The following SEMA6C variants were observed in gnomAD, a reference collection of about 807,000 sequenced individuals.
SEMA6C encodes the protein semaphorin-6C.
Under a neutral mutation model 72.9 loss-of-function variants are expected in SEMA6C, and 37 were observed. The ratio of observed to expected loss-of-function variants is 0.51; its 90% CI spans 0.39 to 0.67. The LOEUF (loss-of-function observed/expected upper bound fraction) is 0.67. Ranked by LOEUF, SEMA6C falls within the 30% of genes least tolerant of loss-of-function variation. The pLI, the probability that SEMA6C is intolerant of heterozygous loss-of-function variation, is 0.00. For missense variants in SEMA6C, 1,189 were observed against 1,263.6 expected (o/e 0.94, Z 0.89); for synonymous variants, 578 against 554.1 (o/e 1.04, Z -0.61).
In SEMA6C at chr1:151,146,451, G is replaced by C. The variant is rs920099822; in HGVS notation, c.-123C>G. On this transcript the variant is annotated 5_prime_UTR_variant, in exon 1 of 19. Transcript: ENST00000368914. This position sits in a 1 kb window ranked among gnomAD's most constrained non-coding sequence, Gnocchi z 4.6. ...TACTTGCTCCAGGATTCGGGTCAGC[G>C]GGATCGAGATCGCCGCGGGCGGCCA... The C allele has an allele frequency of 3.3e-5, 5 of 152,236 alleles. No individual in the cohort carries two copies. The highest frequency in any genetic ancestry group is 7.2e-5 in the African/African-American group (3 of 41,502). 9.4% of individuals were successfully genotyped at this position (152,236 alleles called of 1,614,324 possible). A position where few individuals can be genotyped will look rare whatever the true frequency, so the allele number is the denominator to read the frequency against.
chr1:151,144,153 CG>C (rs1465672201), intron 2 of SEMA6C, among the ~76,000 whole-genome samples: 1 of 152,154 alleles, frequency 6.6e-6, no homozygotes, highest in African/African-American at 2.4e-5. Flanking sequence ...GACATGTTTC[CG>C]GATACTGTTG....
At chr1:151,134,057 T>C in intron 18 of SEMA6C, 1 of 1,508,910 alleles carries the variant, frequency 6.6e-7, no homozygotes, top group Non-Finnish European at 8.9e-7. Context: ...CCGGAAGCAC[T>C]GGTGGCAGAG....
intron 14 of SEMA6C, 47 bp downstream of exon 14, chr1:151,135,544 C>A: frequency 1.3e-6 from 2 of 1,574,278 alleles, no homozygotes; most frequent in South Asian, 1.2e-5. Context: ...CTGCTACCTC[C>A]CATCCCCTCC....
rs189067842 is a variant in SEMA6C, at chr1:151,146,039, C to A, written c.-105+394G>T. On this transcript the variant is annotated intron_variant, in intron 1 of 18. Coordinates refer to ENST00000368914, the MANE Select transcript of SEMA6C (RefSeq NM_030913.6). The surrounding 1 kb of genome is among the most constrained non-coding windows in gnomAD (Gnocchi z 4.6). ...GAACGATGCGTCCCTCTTCCCATCC[C>A]TTCAGGGGCGTCAGGAGGGTCTAGT... The A allele has an allele frequency of 2.3e-4, 35 of 152,316 alleles. No individual in the cohort carries two copies. Among genetic ancestry groups the A allele is most frequent in the Admixed American group, 2.2e-3 (34 of 15,302 alleles). The allele number at this position is 152,316 out of a possible 1,614,324, so 9.4% of individuals were successfully genotyped here. A position where few individuals can be genotyped will look rare whatever the true frequency, so the allele number is the denominator to read the frequency against.
At chr1:151,139,292 C>G in intron 6 of SEMA6C, 133 bp downstream of exon 6, 1 of 782,328 alleles carries the variant, frequency 1.3e-6, no homozygotes, top group Non-Finnish European at 2.2e-6. Flanking sequence ...AATTCTCTTT[C>G]CTTCTCATTT....
rs771475269 is a variant in SEMA6C, at chr1:151,139,494, G to A, written c.298-13C>T. On this transcript the variant is annotated splice_polypyrimidine_tract_variant and intron_variant, in intron 5 of 18. Transcript: ENST00000368914. ...TCCATGTTAGATACTGAAGGGATAA[G>A]TTGAAGAGGGAAAATCATGGGCAAC... The A allele has an allele frequency of 3.1e-6, 5 of 1,613,448 alleles. No homozygotes were observed.
intron 3 of SEMA6C, 78 bp from the exon 4 acceptor site, chr1:151,140,168 C>T (rs1263593286): frequency 6.4e-6 from 7 of 1,086,172 alleles, no homozygotes; most frequent in Non-Finnish European, 9.7e-6. Flanking sequence ...TGAAACCCAG[C>T]AGTGGACACA....
rs1682348961 is a variant in SEMA6C at position 151,139,493 on chromosome 1, A to C, written c.298-12T>G. On this transcript the variant is annotated splice_polypyrimidine_tract_variant and intron_variant, in intron 5 of 18. Coordinates refer to ENST00000368914, the MANE Select transcript of SEMA6C (RefSeq NM_030913.6). Reference sequence around the variant, plus strand: ...CTCCATGTTAGATACTGAAGGGATAAGTTGAAGAGGGAAAATCATGGGCAA... The same window carrying C: ...CTCCATGTTAGATACTGAAGGGATACGTTGAAGAGGGAAAATCATGGGCAA... The C allele has an allele frequency of 1.9e-6, 3 of 1,613,744 alleles. No individual in the cohort carries two copies. Among genetic ancestry groups the C allele is most frequent in the African/African-American group, 1.3e-5 (1 of 75,036 alleles).
rs1681853481 is a variant in SEMA6C at position 151,134,548 on chromosome 1, C to A, written c.1714+72G>T. ...AGGAGAGAAGGACAAAAGGCCAAGC[C>A]TGGGATGGTGTCTGTGGCCATCATG... On this transcript the variant is annotated intron_variant, in intron 17 of 18. Coordinates refer to ENST00000368914, the MANE Select transcript of SEMA6C (RefSeq NM_030913.6). 3 of 1,606,928 alleles carry A rather than the reference C, an allele frequency of 1.9e-6. No individual in the cohort carries two copies. In the Admixed American group the frequency reaches 5.0e-5, roughly 27 times the overall value.
chr1:151,135,947 G>A, intron 13 of SEMA6C, 64 bp downstream of exon 13: 1 of 1,605,034 alleles, frequency 6.2e-7, no homozygotes, highest in Non-Finnish European at 8.5e-7. Flanking sequence ...ACCTTGTTGG[G>A]TCAAAGAAAG....
rs1478501954 is a variant in SEMA6C, at chr1:151,136,543, A to T, written c.1011T>A (p.Asp337Glu). 1 of 1,607,086 alleles carries T rather than the reference A, an allele frequency of 6.2e-7. No individual in the cohort carries two copies. The highest frequency in any genetic ancestry group is 8.5e-7 in the Non-Finnish European group (1 of 1,173,836). ...PGSAVCAFYL[D>E]EIERGFEGKF... ...TGCCCTCAAACCCACGCTCAATCTC[A>T]TCCAGGTAGAAGGCGCAGACGGCAG... The change falls in exon 12 of 19, where the codon GAT becomes GAA. Residue 337 changes from aspartate to glutamate, a missense_variant. Around this residue, in one of 2 missense-constraint regions of SEMA6C, gnomAD observed 468 missense variants for 577.4 expected, o/e 0.81. Coordinates refer to ENST00000368914, the MANE Select transcript of SEMA6C (RefSeq NM_030913.6).
chr1:151,141,174 T>C (rs1682513917), intron 3 of SEMA6C, among the ~76,000 whole-genome samples: 1 of 149,298 alleles, frequency 6.7e-6, no homozygotes, highest in African/African-American at 2.5e-5. Context: ...AAGGTTCTTC[T>C]CAGAAAAAGT....
chr1:151,142,744 C>T, intron 2 of SEMA6C, 69 bp from the exon 3 acceptor site: 1 of 759,942 alleles, frequency 1.3e-6, no homozygotes, highest in Non-Finnish European at 2.1e-6. Context: ...AGCCAGCAGG[C>T]TCCTCTCCTG....
At chr1:151,134,585 C>A (rs759589072) in intron 17 of SEMA6C, 35 bp downstream of exon 17, 5 of 1,613,686 alleles carry the variant, frequency 3.1e-6, no homozygotes, top group Non-Finnish European at 4.2e-6. Context: ...CCATGTGCAG[C>A]TTTGGCTGCA....
At chr1:151,134,482 A>T in intron 17 of SEMA6C, 37 bp from the exon 18 acceptor site, 1 of 1,609,260 alleles carries the variant, frequency 6.2e-7, no homozygotes, top group South Asian at 1.1e-5. Context: ...GGGGGGAAAG[A>T]GAAGCTTCAT....
At position 151,133,198 on chromosome 1, in the gene SEMA6C, C is replaced by A; in HGVS notation, c.2079G>T (p.Pro693=). ...CGGGGGTGGGCAGGCAGGCCAGCTCCGGCGGGGGCACGCCCTCCGGAGGCG... is the reference window on the plus strand; with the variant it reads ...CGGGGGTGGGCAGGCAGGCCAGCTCAGGCGGGGGCACGCCCTCCGGAGGCG... The part of the protein sequence containing the change: ...FLPPPEGVPP[P]ELACLPTPES... The change falls in exon 19 of 19, where the codon CCG becomes CCT. Residue 693 remains proline (P), a synonymous_variant. Transcript: ENST00000368914. This position sits in a 1 kb window ranked among gnomAD's most constrained non-coding sequence, Gnocchi z 5.9. The A allele has an allele frequency of 1.3e-6, 2 of 1,568,014 alleles. No individual in the cohort carries two copies. Among genetic ancestry groups the A allele is most frequent in the East Asian group, 2.3e-5 (1 of 43,608 alleles).
chr1:151,135,110 T>C (rs776434366), intron 15 of SEMA6C, 53 bp downstream of exon 15: 665 of 1,597,512 alleles, frequency 4.2e-4, no homozygotes, highest in Non-Finnish European at 5.1e-4. Flanking sequence ...TTCTGTGCTC[T>C]TGCTGGCCCG....
chr1:151,132,755 G>A lies in SEMA6C; in HGVS notation c.2522C>T (p.Ala841Val), dbSNP rs1452959293. 2 of 1,444,548 alleles carry A rather than the reference G, an allele frequency of 1.4e-6. No homozygotes were observed. 89.5% of individuals were successfully genotyped at this position (1,444,548 alleles called of 1,614,324 possible). Residue 841 changes from alanine to valine, a missense_variant, in exon 19 of 19, where the codon GCT (alanine) becomes GTT (valine). Physicochemically the swap from Ala to Val is moderately conservative, Grantham distance 64. This residue lies in a region of SEMA6C where 721 missense variants were observed against 686.2 expected (regional missense o/e 1.05). Coordinates refer to ENST00000368914, the MANE Select transcript of SEMA6C (RefSeq NM_030913.6). ...GCCTCCGCCGACGCCCAGCCGGGGA[G>A]CGGGGGCGGAGAGCGCGGGCCGGGC... is the stretch of plus-strand genomic sequence containing the variant. ...APARPALSAP[A>V]PRLGVGGGRR...
intron 4 of SEMA6C, 54 bp from the exon 5 acceptor site, chr1:151,139,755 C>T: frequency 6.6e-7 from 1 of 1,505,470 alleles, no homozygotes; most frequent in Non-Finnish European, 9.0e-7. Context: ...CCCACTTTAC[C>T]CACAGTCAGC....
Sources: allele counts gnomAD v4.1 joint callset (sites outside exome capture counted in the v4.1 genomes callset), GRCh38; gene constraint gnomAD v4.1.1; regional missense constraint gnomAD v4.1.1; non-coding constraint Gnocchi (gnomAD v3.1); transcripts MANE v1.5; gene names NCBI Gene and HGNC (gene_info 2026-07-23, HGNC 2026-07-21).